Variants in LRGUK observed in about 807,000 individuals in gnomAD.
The protein encoded by LRGUK is leucine rich repeats and guanylate kinase domain containing, also known as leucine-rich repeat and guanylate kinase domain-containing protein.
In LRGUK, 65 loss-of-function variants were observed where a neutral mutation model predicts 76.0. That is an observed-to-expected ratio of 0.85 (90% CI 0.70 to 1.05). The LOEUF (loss-of-function observed/expected upper bound fraction) is 1.05. Ranked by LOEUF, LRGUK falls within the 50% of genes least tolerant of loss-of-function variation. The pLI, the probability that LRGUK is intolerant of heterozygous loss-of-function variation, is 0.00. For synonymous variants in LRGUK, 268 were observed against 265.6 expected, an observed-to-expected ratio of 1.01 and a Z score of -0.09; for missense variants, 758 against 732.8, an observed-to-expected ratio of 1.03 and a Z score of -0.40.
At chr7:134,167,532 C>A (rs892983) in intron 7 of LRGUK, among the ~76,000 whole-genome samples, 12,601 of 152,202 alleles carry the variant, frequency 0.083, 882 homozygotes, top group East Asian at 0.32. Context: ...ACCGCAGGTT[C>A]CACACCGTCT....
At chr7:134,142,071 T>C (rs1797788269) in intron 3 of LRGUK, among the ~76,000 whole-genome samples, 1 of 152,198 alleles carries the variant, frequency 6.6e-6, no homozygotes, top group Admixed American at 6.5e-5. Context: ...CAGGTCTGCA[T>C]GTGTCTGTGC....
At chr7:134,207,306 T>G (rs1044245424) in intron 15 of LRGUK, among the ~76,000 whole-genome samples, 4 of 152,180 alleles carry the variant, frequency 2.6e-5, no homozygotes, top group African/African-American at 9.7e-5. Context: ...TCTATACCCA[T>G]TAATCTATTA....
rs11291605 is a variant in LRGUK at position 134,128,109 on chromosome 7, GAAA to G, written c.297+462_297+464del. ...TCTAGTCCCGTCAGCCTCCCTCCAG[GAAA>G]AAAAAAAAAAAAAAAATCCGCTTTT... is the stretch of plus-strand genomic sequence containing the variant. On this transcript the variant is annotated intron_variant, in intron 1 of 15. Coordinates refer to ENST00000645682, the Ensembl canonical transcript of LRGUK. 2.3e-3 allele frequency among the ~76,000 whole-genome samples: 312 copies of G among 136,056 alleles called. 1 individual carries two copies. The highest frequency in any genetic ancestry group is 7.5e-3 in the Middle Eastern group (2 of 266). 89.3% of individuals were successfully genotyped at this position (136,056 alleles called of 152,430 possible).
At chr7:134,184,918 G>A (rs1174330483) in intron 11 of LRGUK, among the ~76,000 whole-genome samples, 1 of 152,232 alleles carries the variant, frequency 6.6e-6, no homozygotes, top group African/African-American at 2.4e-5. Context: ...GAATCACCGT[G>A]TTGTGATGTG....
intron 16 of LRGUK, among the ~76,000 whole-genome samples, chr7:134,238,635 T>A (rs138793777): frequency 5.4e-4 from 83 of 152,296 alleles, no homozygotes; most frequent in African/African-American, 1.9e-3. Context: ...TCCTTGATGT[T>A]TTGTGTCATT....
At chr7:134,140,125 C>T (rs1188499902) in intron 3 of LRGUK, among the ~76,000 whole-genome samples, 7 of 152,078 alleles carry the variant, frequency 4.6e-5, no homozygotes, top group East Asian at 3.9e-4. Context: ...CGCACCACCA[C>T]GACTGGCTAA....
chr7:134,138,476 C>T (rs941974073), intron 2 of LRGUK, among the ~76,000 whole-genome samples: 1 of 151,846 alleles, frequency 6.6e-6, no homozygotes, highest in African/African-American at 2.4e-5. Context: ...GTGTACATAT[C>T]TTCTCTCCTA....
intron 10 of LRGUK, among the ~76,000 whole-genome samples, chr7:134,182,577 T>C (rs1485606058): frequency 1.3e-5 from 2 of 152,214 alleles, no homozygotes; most frequent in Non-Finnish European, 2.9e-5. Context: ...ATTGAAAAAC[T>C]ATGCTGTTTC....
At chr7:134,209,721 G>A (rs1252250992) in exon 16 of LRGUK, 4 of 399,636 alleles carry the variant, frequency 1.0e-5, no homozygotes, top group Non-Finnish European at 1.8e-5. Flanking sequence ...CCTCCCATCA[G>A]CCCTCCGCAC....
intron 4 of LRGUK, among the ~76,000 whole-genome samples, chr7:134,145,664 A>G (rs1307674878): frequency 1.3e-5 from 2 of 152,196 alleles, no homozygotes; most frequent in African/African-American, 4.8e-5. Context: ...GCTGGGAGGC[A>G]GCGGAACTGG....
chr7:134,242,661 C>A (rs927220862), intron 16 of LRGUK, among the ~76,000 whole-genome samples: 2 of 152,140 alleles, frequency 1.3e-5, no homozygotes, highest in Non-Finnish European at 2.9e-5. Context: ...TGAAATTATT[C>A]CAATCAATAA....
At chr7:134,191,314 T>G (rs1222787541) in intron 11 of LRGUK, among the ~76,000 whole-genome samples, 1 of 152,134 alleles carries the variant, frequency 6.6e-6, no homozygotes, top group East Asian at 1.9e-4. Flanking sequence ...GGCTCATAGA[T>G]TAAACACGAA....
At chr7:134,131,037 T>C (rs868136369) in intron 1 of LRGUK, among the ~76,000 whole-genome samples, 25 of 152,334 alleles carry the variant, frequency 1.6e-4, no homozygotes, top group Middle Eastern at 3.4e-3. Flanking sequence ...ATTAAGTGAT[T>C]TGATTAATTT....
chr7:134,265,049 G>A (rs538507908), downstream of LRGUK, among the ~76,000 whole-genome samples: 219 of 152,194 alleles, frequency 1.4e-3, 1 homozygote, highest in African/African-American at 5.0e-3. Flanking sequence ...TCCTTTCTTG[G>A]GGTTGGTGAG....
chr7:134,132,060 C>T (rs1054894421), intron 1 of LRGUK, among the ~76,000 whole-genome samples: 2 of 152,258 alleles, frequency 1.3e-5, no homozygotes, highest in South Asian at 4.1e-4. Flanking sequence ...GTCTCAAGAA[C>T]GTGATGACAG....
chr7:134,157,389 T>C (rs1798516927), intron 5 of LRGUK, among the ~76,000 whole-genome samples: 1 of 152,170 alleles, frequency 6.6e-6, no homozygotes, highest in African/African-American at 2.4e-5. Context: ...GTTCTGCCTG[T>C]GGGAACACAC....
chr7:134,198,354 C>T (rs1194198251), intron 13 of LRGUK, among the ~76,000 whole-genome samples: 1 of 152,084 alleles, frequency 6.6e-6, no homozygotes, highest in African/African-American at 2.4e-5. Flanking sequence ...TTCACTCTTC[C>T]TCATTTCCAG....
intron 16 of LRGUK, among the ~76,000 whole-genome samples, chr7:134,224,915 A>C (rs1011507730): frequency 6.6e-6 from 1 of 151,780 alleles, no homozygotes; most frequent in Non-Finnish European, 1.5e-5. Context: ...AGTCGGGTGT[A>C]GTGGCTCGCG....
intron 10 of LRGUK, among the ~76,000 whole-genome samples, chr7:134,178,934 A>AAAAAAAAAAAAAAAAAAAC (rs376955591): frequency 1.3e-5 from 1 of 78,132 alleles, no homozygotes; most frequent in African/African-American, 5.3e-5. Flanking sequence ...CTCAAAAAAA[A>AAAAAAAAAAAAAAAAAAAC]AAAAAAAAAA....
Sources: allele counts gnomAD v4.1 joint callset (sites outside exome capture counted in the v4.1 genomes callset), GRCh38; gene constraint gnomAD v4.1.1; transcripts MANE v1.5; gene names NCBI Gene and HGNC (gene_info 2026-07-23, HGNC 2026-07-21).